Variants in RHCG observed in about 807,000 individuals in gnomAD.
The protein encoded by RHCG is Rh family C glycoprotein, also known as ammonium transporter Rh type C.
In RHCG, 39 loss-of-function variants were observed where a neutral mutation model predicts 55.3. The observed-to-expected ratio is 0.70, with a 90% CI of 0.55 to 0.92. The LOEUF is 0.92. Ranked by LOEUF, RHCG falls within the 40% of genes least tolerant of loss-of-function variation. The probability of loss-of-function intolerance (pLI) is 0.00; values close to 1 mark genes in which losing one functional copy is unlikely to be tolerated. For missense variants in RHCG, 635 were observed against 627.9 expected (o/e 1.01, Z -0.12); for synonymous variants, 250 against 246.8 (o/e 1.01, Z -0.12).
In RHCG at chr15:89,477,969, G is replaced by C. The variant is rs1436113815; in HGVS notation, c.843C>G (p.His281Gln). The change falls in exon 6 of 11, where the codon CAC (histidine) becomes CAG (glutamine). Residue 281 changes from histidine (H) to glutamine (Q), a missense_variant. Transcript: ENST00000268122. This position sits in a 1 kb window ranked among gnomAD's most constrained non-coding sequence, Gnocchi z 4.5. ...LHKKGKLDMVHIQNATLAGGV... is the reference protein window; with the variant it reads ...LHKKGKLDMVQIQNATLAGGV... ...CTCCTGCGAGCGTGGCATTCTGGAT[G>C]TGCACCTGGGCAGGGCAGGCAGAGC... 1 of 1,606,790 alleles carries C rather than the reference G, an allele frequency of 6.2e-7. No individual in the cohort carries two copies. The highest frequency in any genetic ancestry group is 2.2e-5 in the East Asian group (1 of 44,738).
chr15:89,472,727 C>G lies in RHCG; in HGVS notation c.*8G>C. The G allele has an allele frequency of 6.2e-7, 1 of 1,609,698 alleles. No individual in the cohort carries two copies. Among genetic ancestry groups the G allele is most frequent in the Non-Finnish European group, 8.5e-7 (1 of 1,178,050 alleles). On this transcript the variant is annotated 3_prime_UTR_variant, in exon 10 of 11. Coordinates refer to ENST00000268122, the MANE Select transcript of RHCG (RefSeq NM_016321.3). Reference sequence around the variant, plus strand: ...CATGCTCACCTGCTCCTCACCTGCCCTGGGAGCCTAGGGTACCAAGGGTAC... The same window carrying G: ...CATGCTCACCTGCTCCTCACCTGCCGTGGGAGCCTAGGGTACCAAGGGTAC...
intron 1 of RHCG, among the ~76,000 whole-genome samples, chr15:89,489,527 A>G (rs1217730939): frequency 6.6e-6 from 1 of 152,174 alleles, no homozygotes. Flanking sequence ...CAGGGCCCTG[A>G]CAGGCCTGTC....
chr15:89,479,049 G>A (rs1001965742), intron 5 of RHCG, among the ~76,000 whole-genome samples: 18 of 131,020 alleles, frequency 1.4e-4, no homozygotes, highest in East Asian at 2.0e-4. Flanking sequence ...GCAGTGAGCC[G>A]AGATAGCGCC....
At chr15:89,480,029 C>A (rs750775811) in intron 4 of RHCG, among the ~76,000 whole-genome samples, 10 of 152,242 alleles carry the variant, frequency 6.6e-5, no homozygotes, top group Non-Finnish European at 1.3e-4. Flanking sequence ...CTTCTTTCAG[C>A]TTCATGGGGA....
At chr15:89,472,430 GCA>G (rs1961055920) in intron 10 of RHCG, among the ~76,000 whole-genome samples, 2 of 152,134 alleles carry the variant, frequency 1.3e-5, no homozygotes. Context: ...ACACCAGCAG[GCA>G]CAGTCACAAA....
intron 4 of RHCG, 139 bp from the exon 5 acceptor site, chr15:89,479,627 G>T: frequency 1.3e-6 from 1 of 758,950 alleles, no homozygotes; most frequent in Non-Finnish European, 2.1e-6. Flanking sequence ...CTTTAGTCAT[G>T]CAGGGGCTCT....
chr15:89,486,159 G>T, intron 2 of RHCG: 2 of 421,566 alleles, frequency 4.7e-6, no homozygotes, highest in Non-Finnish European at 9.6e-6. Context: ...AGCTGAGGAG[G>T]GGGCAGGGCT....
rs779549700 is a variant in RHCG at position 89,479,368 on chromosome 15, G to A, written c.791C>T (p.Ser264Leu). ...GTGCAGGGCACTGGATATTGCCACCGAGGTAAGCACGCAGGCTGCCAAGGA... is the reference window on the plus strand; with the variant it reads ...GTGCAGGGCACTGGATATTGCCACCAAGGTAAGCACGCAGGCTGCCAAGGA... ...YCSLAACVLT[S>L]VAISSALHKK... is the part of the protein sequence containing the mutation. The change falls in exon 5 of 11, where the codon TCG becomes TTG. Residue 264 changes from serine (S) to leucine (L), a missense_variant. By Grantham distance (145) the Ser-to-Leu change is moderately radical (BLOSUM62 -2). Transcript: ENST00000268122. The A allele has an allele frequency of 1.1e-5, 17 of 1,614,064 alleles. No individual in the cohort carries two copies. The highest frequency in any genetic ancestry group is 2.2e-5 in the East Asian group (1 of 44,878).
intron 2 of RHCG, among the ~76,000 whole-genome samples, chr15:89,485,729 A>G (rs1465574687): frequency 6.6e-6 from 1 of 152,224 alleles, no homozygotes; most frequent in Non-Finnish European, 1.5e-5. Flanking sequence ...ATATGTCTAC[A>G]GAAATAAAAG....
At chr15:89,495,918 A>AG (rs948129572) in intron 1 of RHCG, among the ~76,000 whole-genome samples, 8 of 152,290 alleles carry the variant, frequency 5.3e-5, no homozygotes, top group African/African-American at 1.9e-4. Flanking sequence ...CCAAGCTAAA[A>AG]GGGGGTGGGT....
intron 9 of RHCG, among the ~76,000 whole-genome samples, chr15:89,475,392 G>A (rs1961129198): frequency 2.0e-5 from 3 of 152,170 alleles, no homozygotes; most frequent in Non-Finnish European, 4.4e-5. Flanking sequence ...ATAGGCATGA[G>A]ACACTGAGCC....
chr15:89,472,142 A>G (rs1961048884), intron 10 of RHCG, among the ~76,000 whole-genome samples: 1 of 152,164 alleles, frequency 6.6e-6, no homozygotes, highest in African/African-American at 2.4e-5. Context: ...ATCTTGAAGA[A>G]CCTGAACTTC....
intron 5 of RHCG, 32 bp downstream of exon 5, chr15:89,479,290 C>A: frequency 6.3e-7 from 1 of 1,595,156 alleles, no homozygotes; most frequent in South Asian, 1.1e-5. Context: ...CCCAGGCAGT[C>A]AGAGCCACAC....
At position 89,496,553 on chromosome 15, in the gene RHCG, G is replaced by C. The variant is rs1439904959; in HGVS notation, c.-9C>G. ...TTGGTGTTCCAGGCCATGCTGCAGG[G>C]GTGCCTGGCCGGGCTGGCAGCGGGC... On this transcript the variant is annotated 5_prime_UTR_variant, in exon 1 of 11. Coordinates refer to ENST00000268122, the MANE Select transcript of RHCG (RefSeq NM_016321.3). 2 of 1,605,464 alleles carry C rather than the reference G, an allele frequency of 1.2e-6. No individual in the cohort carries two copies. Among genetic ancestry groups the C allele is most frequent in the African/African-American group, 2.7e-5 (2 of 74,648 alleles).
Position 89,477,108 on chromosome 15 carries a change from A to C in RHCG, c.1211T>G (p.Met404Arg). ...QIYGLLVTLA[M>R]ALMGGIIVGL... ...CACAATGATGCCACCCATCAGGGCC[A>C]TGGCCAGGGTCACCAAGAGACCATA... Residue 404 changes from methionine to arginine, a missense_variant, in exon 8 of 11, where the codon ATG becomes AGG. Coordinates refer to ENST00000268122, the MANE Select transcript of RHCG (RefSeq NM_016321.3). This position sits in a 1 kb window ranked among gnomAD's most constrained non-coding sequence, Gnocchi z 4.5. The C allele has an allele frequency of 6.2e-7, 1 of 1,614,048 alleles. No individual in the cohort carries two copies. The highest frequency in any genetic ancestry group is 8.5e-7 in the Non-Finnish European group (1 of 1,180,012).
At chr15:89,485,326 G>A (rs144123160) in intron 2 of RHCG, among the ~76,000 whole-genome samples, 4 of 152,246 alleles carry the variant, frequency 2.6e-5, no homozygotes, top group African/African-American at 7.2e-5. Flanking sequence ...TTTGAACTTC[G>A]GGGTGATATG....
chr15:89,486,564 CAGAGAGAGAGAG>C lies in RHCG; in HGVS notation c.371+223_371+234del, dbSNP rs59120813. The C allele has an allele frequency of 1.2e-3, 311 of 269,064 alleles. 1 individual carries two copies. The highest frequency in any genetic ancestry group is 8.7e-3 in the African/African-American group (255 of 29,310). The allele number at this position is 269,064 out of a possible 1,614,324, so 16.7% of individuals were successfully genotyped here. ...AAGCGAAGTGAGAGAGAGAGAGAGA[CAGAGAGAGAGAG>C]AGAGAGAGAGAGAGAGAGAGAGAGT... On this transcript the variant is annotated intron_variant, in intron 2 of 10. Transcript: ENST00000268122.
At chr15:89,478,411 G>C (rs919248002) in intron 5 of RHCG, among the ~76,000 whole-genome samples, 1 of 152,208 alleles carries the variant, frequency 6.6e-6, no homozygotes, top group African/African-American at 2.4e-5. Context: ...ACCTGTACCA[G>C]GTACCGTGCT....
chr15:89,496,580 G>T lies in RHCG; in HGVS notation c.-36C>A, dbSNP rs1961574368. 1 of 1,589,476 alleles carries T rather than the reference G, an allele frequency of 6.3e-7. No individual in the cohort carries two copies. Among genetic ancestry groups the T allele is most frequent in the Non-Finnish European group, 8.6e-7 (1 of 1,168,562 alleles). ...TGCCTGGCCGGGCTGGCAGCGGGCGGTTCGGACGCTCGGAGGCCGGCGGGG... is the reference window on the plus strand; with the variant it reads ...TGCCTGGCCGGGCTGGCAGCGGGCGTTTCGGACGCTCGGAGGCCGGCGGGG... On this transcript the variant is annotated 5_prime_UTR_variant, in exon 1 of 11. Coordinates refer to ENST00000268122, the MANE Select transcript of RHCG (RefSeq NM_016321.3).
Sources: gnomAD v4.1 joint callset for allele counts (sites outside exome capture counted in the v4.1 genomes callset) on GRCh38, gnomAD v4.1.1 for gene constraint, Gnocchi (gnomAD v3.1) non-coding constraint, MANE v1.5 for transcripts, NCBI Gene and HGNC (gene_info 2026-07-23, HGNC 2026-07-21) for gene names.